The following GRAMD1C variants were observed in gnomAD, a reference collection of about 807,000 sequenced individuals.
GRAMD1C encodes the protein GRAM domain containing 1C, also known as protein Aster-C.
Under a neutral mutation model 97.8 loss-of-function variants are expected in GRAMD1C, and 89 were observed. That is an observed-to-expected ratio of 0.91 (90% confidence interval 0.77 to 1.09). The LOEUF (loss-of-function observed/expected upper bound fraction) is 1.09, where lower values mean the gene tolerates loss of function less well. Among genes scored for constraint, GRAMD1C ranks in the 50% least tolerant of loss-of-function variants. The pLI, the probability that GRAMD1C is intolerant of heterozygous loss-of-function variation, is 0.00. For missense variants in GRAMD1C, 740 were observed against 766.4 expected (o/e 0.97, Z 0.41); for synonymous variants, 256 against 267.0 (o/e 0.96, Z 0.40).
chr3:113,903,026 C>T (rs1185999229), intron 7 of GRAMD1C, among the ~76,000 whole-genome samples: 45 of 146,806 alleles, frequency 3.1e-4, no homozygotes, highest in African/African-American at 8.8e-4. Context: ...AGTGCAGTGG[C>T]GTGATCTTGG....
chr3:113,838,411 A>G, upstream of GRAMD1C: 1 of 152,828 alleles, frequency 6.5e-6, no homozygotes, highest in Non-Finnish European at 1.5e-5. Context: ...GTCTCTACTA[A>G]AAATACAAAA....
intron 6 of GRAMD1C, among the ~76,000 whole-genome samples, chr3:113,893,751 G>T (rs1935825994): frequency 6.6e-6 from 1 of 152,200 alleles, no homozygotes; most frequent in Non-Finnish European, 1.5e-5. Context: ...ACTCTCAAAA[G>T]TGTGCCAGTT....
upstream of GRAMD1C, among the ~76,000 whole-genome samples, chr3:113,834,748 G>C (rs113003758): frequency 6.7e-6 from 1 of 148,600 alleles, no homozygotes; most frequent in Admixed American, 6.8e-5. Flanking sequence ...AGCCTGATCA[G>C]CATGGTGAAA....
At chr3:113,861,426 G>A (rs1214914261) in intron 2 of GRAMD1C, among the ~76,000 whole-genome samples, 2 of 152,130 alleles carry the variant, frequency 1.3e-5, no homozygotes, top group Non-Finnish European at 2.9e-5. Flanking sequence ...GTTCACTTGA[G>A]GCCAGGAGTT....
intron 5 of GRAMD1C, among the ~76,000 whole-genome samples, chr3:113,877,182 A>G (rs1202422681): frequency 6.6e-6 from 1 of 152,184 alleles, no homozygotes; most frequent in East Asian, 1.9e-4. Flanking sequence ...CCTATAGAAC[A>G]CTTGCAAATG....
intron 10 of GRAMD1C, chr3:113,919,268 T>C (rs1286579446): frequency 4.7e-6 from 2 of 425,678 alleles, no homozygotes; most frequent in East Asian, 6.9e-5. Context: ...GAGATTGATA[T>C]GTCTTTAATG....
chr3:113,841,285 C>CTTTTTTTTTTTT lies in GRAMD1C; in HGVS notation c.27+2354_27+2365dup, dbSNP rs772233296. Among the ~76,000 whole-genome samples the CTTTTTTTTTTTT allele has an allele frequency of 3.4e-3, 316 of 94,316 alleles. 12 individuals carry two copies. Among genetic ancestry groups the CTTTTTTTTTTTT allele is most frequent in the Non-Finnish European group, 3.6e-3 (179 of 50,412 alleles). 61.9% of individuals were successfully genotyped at this position (94,316 alleles called of 152,430 possible). On this transcript the variant is annotated intron_variant, in intron 1 of 17. Transcript: ENST00000358160. Reference sequence around the variant, plus strand: ...TCACAAAGTACTTCTTTCTTTCTTTCTTTTTTTTTTTTTTTTGCGAGACAG... The same window carrying CTTTTTTTTTTTT: ...TCACAAAGTACTTCTTTCTTTCTTTCTTTTTTTTTTTTTTTTTTTTTTTTTTTTGCGAGACAG...
chr3:113,919,527 A>T, intron 10 of GRAMD1C: 1 of 547,958 alleles, frequency 1.8e-6, no homozygotes, highest in South Asian at 1.4e-5. Flanking sequence ...GAACTGACTC[A>T]GAGAAGAAGT....
At chr3:113,843,981 C>T (rs1200496273) in intron 1 of GRAMD1C, among the ~76,000 whole-genome samples, 2 of 152,246 alleles carry the variant, frequency 1.3e-5, no homozygotes, top group Non-Finnish European at 2.9e-5. Context: ...AACGGACACT[C>T]CCATTAAATT....
At chr3:113,924,968 T>G (rs1937185324) in intron 10 of GRAMD1C, among the ~76,000 whole-genome samples, 1 of 152,244 alleles carries the variant, frequency 6.6e-6, no homozygotes. Flanking sequence ...TGATTGCATA[T>G]ATACTTGGGA....
At chr3:113,850,735 C>G in intron 2 of GRAMD1C, 2 of 1,482,182 alleles carry the variant, frequency 1.3e-6, no homozygotes, top group Non-Finnish European at 1.9e-6. Flanking sequence ...TCAACATCTC[C>G]GCTGCTGTAG....
At chr3:113,856,898 G>T (rs966859018) in intron 2 of GRAMD1C, among the ~76,000 whole-genome samples, 1 of 150,762 alleles carries the variant, frequency 6.6e-6, no homozygotes, top group African/African-American at 2.4e-5. Context: ...GGAGTGCTGT[G>T]GTACAATCTC....
intron 2 of GRAMD1C, among the ~76,000 whole-genome samples, chr3:113,848,639 C>G (rs1208713403): frequency 6.6e-6 from 1 of 151,870 alleles, no homozygotes; most frequent in Non-Finnish European, 1.5e-5. Flanking sequence ...ACCCCCATCT[C>G]AACAAAACAA....
At chr3:113,828,999 T>C (rs1449183324) in intron 1 of GRAMD1C, among the ~76,000 whole-genome samples, 1 of 152,200 alleles carries the variant, frequency 6.6e-6, no homozygotes, top group Non-Finnish European at 1.5e-5. Flanking sequence ...TTCATTGGCC[T>C]TGACACTCTT....
intron 7 of GRAMD1C, among the ~76,000 whole-genome samples, chr3:113,902,708 G>A (rs926674256): frequency 6.6e-6 from 1 of 152,074 alleles, no homozygotes; most frequent in African/African-American, 2.4e-5. Flanking sequence ...GCACAGTGGT[G>A]CGATCTTGGC....
intron 8 of GRAMD1C, among the ~76,000 whole-genome samples, chr3:113,908,302 A>C (rs1420475411): frequency 6.6e-6 from 1 of 152,246 alleles, no homozygotes; most frequent in Non-Finnish European, 1.5e-5. Context: ...TTAATGCCTA[A>C]CATTAAATTT....
At position 113,946,724 on chromosome 3, in the gene GRAMD1C, TAATTA is replaced by T. The variant is rs1481255700; in HGVS notation, c.*1250_*1254del. 2.0e-5 allele frequency: 3 copies of T among 152,190 alleles called. No homozygotes were observed. The highest frequency in any genetic ancestry group is 2.0e-4 in the Admixed American group (3 of 15,284). 9.4% of individuals were successfully genotyped at this position (152,190 alleles called of 1,614,324 possible). A position where few individuals can be genotyped will look rare whatever the true frequency, so the allele number is the denominator to read the frequency against. On this transcript the variant is annotated 3_prime_UTR_variant, in exon 18 of 18. Coordinates refer to ENST00000358160, the MANE Select transcript of GRAMD1C (RefSeq NM_017577.5). ...TTACTGTTTGAACAACTATTGCCTT[TAATTA>T]AATGTTTCATTTTTCTCCAGAGTCC...
intron 8 of GRAMD1C, among the ~76,000 whole-genome samples, chr3:113,905,035 C>T (rs1936319056): frequency 1.3e-5 from 2 of 152,156 alleles, no homozygotes; most frequent in South Asian, 4.1e-4. Flanking sequence ...GGGGTTTCAT[C>T]ATGTTGGCTA....
intron 2 of GRAMD1C, among the ~76,000 whole-genome samples, chr3:113,864,393 C>A (rs911712698): frequency 6.6e-6 from 1 of 152,188 alleles, no homozygotes; most frequent in African/African-American, 2.4e-5. Context: ...GGATTACAGA[C>A]ATGAGCCACC....
Sources: gnomAD v4.1 joint callset for allele counts (sites outside exome capture counted in the v4.1 genomes callset) on GRCh38, gnomAD v4.1.1 for gene constraint, MANE v1.5 for transcripts, NCBI Gene and HGNC (gene_info 2026-07-23, HGNC 2026-07-21) for gene names.